Variants in PPID observed in about 807,000 individuals in gnomAD.
PPID encodes peptidylprolyl isomerase D.
Under a neutral mutation model 48.1 loss-of-function variants are expected in PPID, and 47 were observed. That is an observed-to-expected ratio of 0.98 (90% CI 0.77 to 1.25). The LOEUF is 1.25. Among genes scored for constraint, PPID ranks in the 50% most tolerant of loss-of-function variants. The pLI is 0.00. For missense variants in PPID, 429 were observed against 443.5 expected, an observed-to-expected ratio of 0.97 and a Z score of 0.29; for synonymous variants, 163 against 148.8, an observed-to-expected ratio of 1.10 and a Z score of -0.69.
At chr4:158,722,950 A>G (rs768026344) in intron 1 of PPID, among the ~76,000 whole-genome samples, 51 of 152,196 alleles carry the variant, frequency 3.4e-4, no homozygotes, top group African/African-American at 1.2e-3. Flanking sequence ...CAGGAGGCAA[A>G]CCTAAAGGAC....
intron 7 of PPID, among the ~76,000 whole-genome samples, chr4:158,712,746 G>C (rs1388538140): frequency 2.0e-5 from 3 of 151,794 alleles, no homozygotes; most frequent in Non-Finnish European, 4.4e-5. Context: ...AACAGAGTAA[G>C]ACTCCGTCTC....
chr4:158,721,228 G>A, intron 2 of PPID, 115 bp downstream of exon 2: 2 of 1,238,152 alleles, frequency 1.6e-6, no homozygotes, highest in East Asian at 2.4e-5. Flanking sequence ...CTCAGACATG[G>A]ACGCTAATAG....
chr4:158,715,534 A>ATT, intron 5 of PPID, 28 bp downstream of exon 5: 1 of 1,608,028 alleles, frequency 6.2e-7, no homozygotes, highest in East Asian at 2.2e-5. Flanking sequence ...TAAATTAATT[A>ATT]AAGTTTGACT....
At chr4:158,715,443 A>G in intron 5 of PPID, 40 bp from the exon 6 acceptor site, 1 of 1,493,056 alleles carries the variant, frequency 6.7e-7, no homozygotes, top group Non-Finnish European at 9.0e-7. Flanking sequence ...TTTAGTAAGT[A>G]ATGTGGTTTA....
rs538193497 is a variant in PPID, at chr4:158,717,986, C to A, written c.334-786G>T. Among the ~76,000 whole-genome samples the A allele has an allele frequency of 3.3e-5, 5 of 152,130 alleles. No homozygotes were observed. The East Asian group carries it at 7.7e-4, about 24-fold the overall frequency. On this transcript the variant is annotated intron_variant, in intron 3 of 9. Transcript: ENST00000307720. Reference sequence around the variant, plus strand: ...TCATGTTATATAATGTTTCATGACACCCCCCACCCCACCAAAATGCCTTTT... The same window carrying A: ...TCATGTTATATAATGTTTCATGACAACCCCCACCCCACCAAAATGCCTTTT...
chr4:158,713,833 C>A (rs1220093233), intron 6 of PPID, among the ~76,000 whole-genome samples: 6 of 152,082 alleles, frequency 3.9e-5, no homozygotes. Flanking sequence ...GGGCCTTCCA[C>A]TGAACAAATT....
In PPID at chr4:158,723,346, C is replaced by A. The variant is rs1457172143; in HGVS notation, c.-58G>T. On this transcript the variant is annotated 5_prime_UTR_variant, in exon 1 of 10. Transcript: ENST00000307720. The stretch of plus-strand genomic sequence containing the variant: ...CAGAGTACCTAGTGGCCGCCCGGGC[C>A]GCCCAAACTCCAGAGTCCGTCTCCG... The A allele has an allele frequency of 1.3e-6, 2 of 1,527,798 alleles. 1 individual carries two copies. The highest frequency in any genetic ancestry group is 2.7e-5 in the African/African-American group (2 of 72,920). The allele number at this position is 1,527,798 out of a possible 1,614,324, so 94.6% of individuals were successfully genotyped here.
At chr4:158,711,248 C>T (rs1010159911) in intron 7 of PPID, among the ~76,000 whole-genome samples, 3 of 151,916 alleles carry the variant, frequency 2.0e-5, no homozygotes, top group African/African-American at 7.3e-5. Flanking sequence ...TTTTTTAAGA[C>T]AAGGTCTCAC....
intron 1 of PPID, 83 bp from the exon 2 acceptor site, chr4:158,721,566 C>T: frequency 4.8e-6 from 7 of 1,463,726 alleles, no homozygotes; most frequent in Non-Finnish European, 6.5e-6. Flanking sequence ...ATTATGGTAG[C>T]AGATCAATCA....
chr4:158,718,779 T>C (rs929405040), intron 3 of PPID, among the ~76,000 whole-genome samples: 1 of 152,220 alleles, frequency 6.6e-6, no homozygotes, highest in Non-Finnish European at 1.5e-5. Context: ...CTTGGACATT[T>C]AACTATATCT....
At chr4:158,716,469 C>T (rs1480166380) in intron 4 of PPID, among the ~76,000 whole-genome samples, 2 of 149,960 alleles carry the variant, frequency 1.3e-5, no homozygotes, top group Admixed American at 6.7e-5. Flanking sequence ...GAAGACTTAA[C>T]GTAAACTAGC....
intron 1 of PPID, among the ~76,000 whole-genome samples, chr4:158,722,957 G>A (rs1044431687): frequency 3.3e-5 from 5 of 152,204 alleles, no homozygotes; most frequent in Non-Finnish European, 7.3e-5. Context: ...CAAACCTAAA[G>A]GACGCCACAA....
At chr4:158,710,946 G>A in intron 7 of PPID, 98 bp from the exon 8 acceptor site, 1 of 1,100,464 alleles carries the variant, frequency 9.1e-7, no homozygotes, top group Non-Finnish European at 1.3e-6. Context: ...ATCCTTCACT[G>A]CTCTGTGAAA....
intron 6 of PPID, among the ~76,000 whole-genome samples, chr4:158,714,310 G>A (rs982945225): frequency 2.0e-5 from 3 of 152,144 alleles, no homozygotes; most frequent in Non-Finnish European, 2.9e-5. Context: ...AGGCCAAAGC[G>A]AAATGTGTCT....
Position 158,715,640 on chromosome 4 carries a change from G to A in PPID, c.567C>T (p.Asp189=), listed in dbSNP as rs748252905. The A allele has an allele frequency of 4.0e-5, 64 of 1,610,422 alleles. No homozygotes were observed. Among genetic ancestry groups the A allele is most frequent in the East Asian group, 4.5e-5 (2 of 44,878 alleles). The change falls in exon 5 of 10, where the codon GAC becomes GAT. Residue 189 remains aspartate, a synonymous_variant. Coordinates refer to ENST00000307720, the MANE Select transcript of PPID (RefSeq NM_005038.3). The part of the protein sequence containing the change: ...AECGELKEGD[D]GGIFPKDGSG... Reference sequence around the variant, plus strand: ...AGCCATCTTTTGGGAATATTCCCCCGTCATCTCCTTCCTTCAATTCTCCAC... The same window carrying A: ...AGCCATCTTTTGGGAATATTCCCCCATCATCTCCTTCCTTCAATTCTCCAC...
intron 4 of PPID, 122 bp downstream of exon 4, chr4:158,716,890 G>T: frequency 1.0e-6 from 1 of 964,458 alleles, no homozygotes; most frequent in South Asian, 1.5e-5. Flanking sequence ...GAACCTGGGA[G>T]ACAGAGGCTG....
In PPID at chr4:158,710,852, C is replaced by T. The variant is rs1358630030; in HGVS notation, c.895-4G>A. 1 of 1,602,468 alleles carries T rather than the reference C, an allele frequency of 6.2e-7. No individual in the cohort carries two copies. The highest frequency in any genetic ancestry group is 8.5e-7 in the Non-Finnish European group (1 of 1,171,072). On this transcript the variant is annotated splice_region_variant and splice_polypyrimidine_tract_variant and intron_variant, in intron 7 of 9. Coordinates refer to ENST00000307720, the MANE Select transcript of PPID (RefSeq NM_005038.3). ...TTGATGGGTCTAGTTCAAGAGCCTA[C>T]AAAAAAGTATAAAGCTAGTATTTAT...
chr4:158,723,158 C>T (rs1774991309), intron 1 of PPID, 46 bp downstream of exon 1: 4 of 1,555,502 alleles, frequency 2.6e-6, no homozygotes, highest in Non-Finnish European at 3.5e-6. Context: ...ATCCCGGGAA[C>T]CCCCGCCTCC....
intron 6 of PPID, among the ~76,000 whole-genome samples, chr4:158,714,309 C>T (rs1300203378): frequency 1.3e-5 from 2 of 152,134 alleles, no homozygotes; most frequent in African/African-American, 2.4e-5. Flanking sequence ...CAGGCCAAAG[C>T]GAAATGTGTC....
Sources: allele counts gnomAD v4.1 joint callset (sites outside exome capture counted in the v4.1 genomes callset), GRCh38; gene constraint gnomAD v4.1.1; transcripts MANE v1.5; gene names NCBI Gene and HGNC (gene_info 2026-07-23, HGNC 2026-07-21).